NCALD: variants seen among roughly 807,000 people sequenced by gnomAD.
The protein encoded by NCALD is neurocalcin delta.
NCALD carries 10 observed loss-of-function variants against 18.6 expected under a neutral mutation model. That is an observed-to-expected ratio of 0.54 (90% CI 0.33 to 0.91). The LOEUF (loss-of-function observed/expected upper bound fraction) is 0.91. Ranked by LOEUF, NCALD falls within the 40% of genes least tolerant of loss-of-function variation. The pLI is 0.03. For missense variants in NCALD, 184 were observed against 247.6 expected (o/e 0.74, Z 1.72); for synonymous variants, 88 against 87.4 (o/e 1.01, Z -0.04).
At chr8:101,753,132 T>C (rs1212607712) in intron 1 of NCALD, among the ~76,000 whole-genome samples, 1 of 152,084 alleles carries the variant, frequency 6.6e-6, no homozygotes, top group Non-Finnish European at 1.5e-5. Flanking sequence ...AAAAGAGACA[T>C]AAATAAAACA....
chr8:102,076,689 C>T (rs574559960), intron 1 of NCALD, among the ~76,000 whole-genome samples: 1 of 149,722 alleles, frequency 6.7e-6, no homozygotes, highest in Admixed American at 6.6e-5. Context: ...TAAATCCTCT[C>T]TGGCTGCATC....
At chr8:101,941,926 T>C (rs1818973171) in intron 2 of NCALD, among the ~76,000 whole-genome samples, 1 of 152,212 alleles carries the variant, frequency 6.6e-6, no homozygotes, top group Non-Finnish European at 1.5e-5. Flanking sequence ...ATTTCTTTTC[T>C]TTTTCTTTTT....
intron 4 of NCALD, among the ~76,000 whole-genome samples, chr8:101,817,115 C>T (rs1813527987): frequency 6.6e-6 from 1 of 152,170 alleles, no homozygotes; most frequent in Admixed American, 6.6e-5. Flanking sequence ...TCTCTTTGCA[C>T]TTCTGGCCAG....
At chr8:101,778,655 A>G (rs1051293178) in intron 1 of NCALD, among the ~76,000 whole-genome samples, 4 of 152,166 alleles carry the variant, frequency 2.6e-5, no homozygotes, top group South Asian at 4.1e-4. Flanking sequence ...CTGAATGCAC[A>G]TAAAAGGGAA....
In NCALD at chr8:101,689,288, T is replaced by C. The variant is rs1279702231; in HGVS notation, c.*21A>G. On this transcript the variant is annotated 3_prime_UTR_variant, in exon 4 of 4. Transcript: ENST00000220931. The surrounding 1 kb of genome is among the most constrained non-coding windows in gnomAD (Gnocchi z 4.4). The stretch of plus-strand genomic sequence containing the variant: ...AAAGGGAACACAAGCAGCTCTACAA[T>C]TCGATTGGTGGGCGCAGGGCTCAGA... The C allele has an allele frequency of 2.5e-6, 4 of 1,608,116 alleles. No individual in the cohort carries two copies. The highest frequency in any genetic ancestry group is 2.2e-5 in the East Asian group (1 of 44,838).
intron 1 of NCALD, among the ~76,000 whole-genome samples, chr8:102,102,267 C>T (rs890061022): frequency 6.6e-6 from 1 of 152,150 alleles, no homozygotes; most frequent in Admixed American, 6.5e-5. Flanking sequence ...TCACAATTAA[C>T]GCTCCACCCA....
At chr8:101,832,211 T>C (rs1455067990) in intron 4 of NCALD, among the ~76,000 whole-genome samples, 1 of 152,142 alleles carries the variant, frequency 6.6e-6, no homozygotes, top group Non-Finnish European at 1.5e-5. Context: ...TCTTCCTTTC[T>C]CTGTCTCCAC....
At chr8:101,720,971 G>A (rs1473805967) in intron 1 of NCALD, among the ~76,000 whole-genome samples, 2 of 152,180 alleles carry the variant, frequency 1.3e-5, no homozygotes, top group Non-Finnish European at 2.9e-5. Context: ...CTACAGAATA[G>A]AGAGTGGATT....
At chr8:102,012,092 G>A (rs930462910) in intron 2 of NCALD, among the ~76,000 whole-genome samples, 13 of 152,138 alleles carry the variant, frequency 8.5e-5, no homozygotes, top group African/African-American at 3.1e-4. Context: ...GGAGTCCTGG[G>A]TACTTTGAGT....
intron 4 of NCALD, among the ~76,000 whole-genome samples, chr8:101,861,018 T>C (rs1815519840): frequency 6.6e-6 from 1 of 152,038 alleles, no homozygotes; most frequent in Non-Finnish European, 1.5e-5. Context: ...AGGTAATATA[T>C]TTAAAAACTC....
At chr8:101,862,503 G>A (rs1803078409) in intron 4 of NCALD, among the ~76,000 whole-genome samples, 1 of 152,142 alleles carries the variant, frequency 6.6e-6, no homozygotes, top group Non-Finnish European at 1.5e-5. Context: ...GCTTCACTTT[G>A]CTATGCTTTT....
chr8:101,722,060 C>G (rs913056537), intron 1 of NCALD, among the ~76,000 whole-genome samples: 1 of 152,118 alleles, frequency 6.6e-6, no homozygotes, highest in Non-Finnish European at 1.5e-5. Flanking sequence ...CTAGCCTGGT[C>G]TCAGACTCCT....
chr8:102,102,371 C>T (rs1825311403), intron 1 of NCALD, among the ~76,000 whole-genome samples: 2 of 152,220 alleles, frequency 1.3e-5, no homozygotes. Context: ...TGCAGCTCCC[C>T]TTGAGTTCCA....
At chr8:102,020,206 C>A (rs991310543) in intron 2 of NCALD, 1 of 152,116 alleles carries the variant, frequency 6.6e-6, no homozygotes, top group Admixed American at 6.6e-5. Context: ...GTGTTGTTTA[C>A]AAACCTAAGA....
At chr8:101,892,495 G>A (rs551281736) in intron 3 of NCALD, among the ~76,000 whole-genome samples, 6 of 149,538 alleles carry the variant, frequency 4.0e-5, no homozygotes, top group Admixed American at 6.6e-5. Flanking sequence ...CACCAGCAAC[G>A]GAACAAAGCT....
At chr8:101,871,355 A>C (rs1453283879) in intron 4 of NCALD, among the ~76,000 whole-genome samples, 1 of 152,172 alleles carries the variant, frequency 6.6e-6, no homozygotes, top group Non-Finnish European at 1.5e-5. Flanking sequence ...GTTTTTTTCC[A>C]ATCAGCCTTT....
At chr8:102,023,885 C>T (rs1822366063) in intron 1 of NCALD, among the ~76,000 whole-genome samples, 1 of 152,116 alleles carries the variant, frequency 6.6e-6, no homozygotes, top group African/African-American at 2.4e-5. Flanking sequence ...ATGGGCTATT[C>T]CAGGCATCTC....
chr8:102,007,972 C>T lies in NCALD; in HGVS notation c.-157+12265G>A, dbSNP rs557985502. 1.1e-3 allele frequency among the ~76,000 whole-genome samples: 171 copies of T among 152,314 alleles called. 2 individuals carry two copies. Among genetic ancestry groups the T allele is most frequent in the African/African-American group, 3.7e-3 (155 of 41,580 alleles). On this transcript the variant is annotated intron_variant, in intron 2 of 6. Coordinates refer to the NCALD transcript ENST00000311028. ...GCCATTCAGTGTCCTTTAGCCAGTG[C>T]TTTTGGCAAATCAGCAACCTAAGCT...
At chr8:101,730,175 C>T (rs1316665006) in intron 1 of NCALD, among the ~76,000 whole-genome samples, 4 of 152,022 alleles carry the variant, frequency 2.6e-5, no homozygotes, top group African/African-American at 7.3e-5. Context: ...ATTCTTTAAC[C>T]TTCATTTTCA....
Sources: allele counts gnomAD v4.1 joint callset (sites outside exome capture counted in the v4.1 genomes callset), GRCh38; gene constraint gnomAD v4.1.1; non-coding constraint Gnocchi (gnomAD v3.1); transcripts MANE v1.5; gene names NCBI Gene and HGNC (gene_info 2026-07-23, HGNC 2026-07-21).